The following GCLC variants were observed in gnomAD, a reference collection of about 807,000 sequenced individuals.
GCLC encodes the protein glutamate-cysteine ligase catalytic subunit, also known as glutamate--cysteine ligase catalytic subunit.
A neutral mutation model predicts 81.5 loss-of-function variants in GCLC; 30 were observed. The ratio of observed to expected loss-of-function variants is 0.37; its 90% confidence interval spans 0.28 to 0.50. The LOEUF is 0.50. Among genes scored for constraint, GCLC ranks in the 20% least tolerant of loss-of-function variants. The pLI, the probability that GCLC is intolerant of heterozygous loss-of-function variation, is 0.96. For missense variants in GCLC, 556 were observed against 777.4 expected, an observed-to-expected ratio of 0.72 and a Z score of 3.39; for synonymous variants, 262 against 273.3, an observed-to-expected ratio of 0.96 and a Z score of 0.41.
At chr6:53,517,179 T>A (rs1361304232) in intron 3 of GCLC, among the ~76,000 whole-genome samples, 1 of 144,546 alleles carries the variant, frequency 6.9e-6, no homozygotes, top group Non-Finnish European at 1.5e-5. Flanking sequence ...CTTGAACTCC[T>A]GGGCTCAAGT....
At chr6:53,501,170 C>T (rs545863794) in intron 12 of GCLC, 68 of 160,178 alleles carry the variant, frequency 4.2e-4, no homozygotes, top group Admixed American at 8.2e-4. Context: ...CTGCCCGCTT[C>T]AGACTCCCAA....
rs1349695132 is a variant in GCLC, at chr6:53,522,468, A to G, written c.210T>C (p.Ser70=). ...HENKKVRLVL[S]GEKVLETLQE... is the part of the protein sequence containing the mutation. Reference sequence around the variant, plus strand: ...GCAGAGTTTCAAGAACTTTCTCCCCAGACAGGACCAACCGGACTTTTTTAT... The same window carrying G: ...GCAGAGTTTCAAGAACTTTCTCCCCGGACAGGACCAACCGGACTTTTTTAT... The change falls in exon 2 of 16, where the codon TCT becomes TCC. Residue 70 remains serine, a synonymous_variant. Transcript: ENST00000650454. 1.2e-6 allele frequency: 2 copies of G among 1,613,132 alleles called. No individual in the cohort carries two copies. The highest frequency in any genetic ancestry group is 1.7e-6 in the Non-Finnish European group (2 of 1,179,210).
chr6:53,532,986 C>CTAAA (rs1317098239), intron 1 of GCLC, among the ~76,000 whole-genome samples: 2 of 152,192 alleles, frequency 1.3e-5, no homozygotes, highest in African/African-American at 2.4e-5. Flanking sequence ...ACATACCAAT[C>CTAAA]TAAATAACCA....
intron 11 of GCLC, 21 bp downstream of exon 11, chr6:53,505,782 T>A (rs758837614): frequency 1.4e-6 from 2 of 1,393,274 alleles, no homozygotes; most frequent in Non-Finnish European, 2.0e-6. Context: ...GAGTCAGTTC[T>A]TGCTGATGCA....
chr6:53,498,991 A>G (rs1181829499), intron 15 of GCLC, 24 bp from the exon 16 acceptor site: 4 of 1,507,304 alleles, frequency 2.7e-6, no homozygotes, highest in Non-Finnish European at 3.7e-6. Flanking sequence ...GGGAGCGAAA[A>G]AAAAATTAAA....
Position 53,507,500 on chromosome 6 carries a change from T to C in GCLC, c.1064A>G (p.Tyr355Cys), listed in dbSNP as rs1225003790. ...CCCACCTTCCTGCAACAGCTGTTCG[T>C]AGATCTCTTTATCTATCGTCAAGTC... ...DIDLTIDKEI[Y>C]EQLLQEGIDH... Residue 355 changes from tyrosine to cysteine, a missense_variant, in exon 9 of 16, where the codon TAC becomes TGC. Around this residue, in one of 3 missense-constraint regions of GCLC, gnomAD observed 313 missense variants for 437.3 expected, o/e 0.72. Transcript: ENST00000650454. 2 of 1,612,576 alleles carry C rather than the reference T, an allele frequency of 1.2e-6. No individual in the cohort carries two copies. Among genetic ancestry groups the C allele is most frequent in the East Asian group, 2.2e-5 (1 of 44,866 alleles).
intron 1 of GCLC, among the ~76,000 whole-genome samples, chr6:53,541,941 C>A (rs1330521204): frequency 6.6e-6 from 1 of 152,142 alleles, no homozygotes; most frequent in African/African-American, 2.4e-5. Context: ...AATCACGGCT[C>A]ACTGCAGCCT....
intron 1 of GCLC, among the ~76,000 whole-genome samples, chr6:53,525,589 T>C (rs1176552325): frequency 6.6e-6 from 1 of 152,202 alleles, no homozygotes; most frequent in Non-Finnish European, 1.5e-5. Flanking sequence ...AGGATAAAAC[T>C]GTATCAGCTT....
At chr6:53,534,262 T>G (rs1763221385) in intron 1 of GCLC, among the ~76,000 whole-genome samples, 1 of 152,196 alleles carries the variant, frequency 6.6e-6, no homozygotes, top group African/African-American at 2.4e-5. Context: ...TGATGAAAAC[T>G]ATGGCTTAAG....
intron 1 of GCLC, among the ~76,000 whole-genome samples, chr6:53,526,712 G>A (rs1372307808): frequency 1.3e-5 from 2 of 150,822 alleles, no homozygotes; most frequent in East Asian, 3.9e-4. Flanking sequence ...GCAGGAGAAT[G>A]GCGTGAACTC....
chr6:53,525,185 C>A (rs1335090962), intron 1 of GCLC, among the ~76,000 whole-genome samples: 1 of 152,218 alleles, frequency 6.6e-6, no homozygotes, highest in African/African-American at 2.4e-5. Flanking sequence ...TCCTTCTCTG[C>A]AGTCACCTTG....
At chr6:53,541,764 CAG>C (rs1299051359) in intron 1 of GCLC, among the ~76,000 whole-genome samples, 1 of 152,154 alleles carries the variant, frequency 6.6e-6, no homozygotes, top group Non-Finnish European at 1.5e-5. Context: ...TAATTTATGA[CAG>C]AGTATTTGGA....
intron 1 of GCLC, among the ~76,000 whole-genome samples, chr6:53,534,784 A>G (rs183891762): frequency 2.6e-5 from 4 of 152,350 alleles, no homozygotes; most frequent in Non-Finnish European, 5.9e-5. Flanking sequence ...CCTATACACG[A>G]AAAACTACAA....
At chr6:53,515,747 T>A (rs907321775) in intron 4 of GCLC, among the ~76,000 whole-genome samples, 1 of 151,108 alleles carries the variant, frequency 6.6e-6, no homozygotes, top group African/African-American at 2.4e-5. Flanking sequence ...CAGATACTGA[T>A]GGTTAGAGAG....
intron 3 of GCLC, among the ~76,000 whole-genome samples, chr6:53,516,643 T>C (rs1375014468): frequency 1.3e-5 from 2 of 152,190 alleles, no homozygotes; most frequent in Admixed American, 6.5e-5. Context: ...AGATTATCTT[T>C]GGACCTGCTG....
chr6:53,510,495 A>G (rs1035818338), intron 6 of GCLC: 2 of 151,996 alleles, frequency 1.3e-5, no homozygotes, highest in Admixed American at 1.3e-4. Context: ...AGAAGGGGCA[A>G]GGAACACAAA....
chr6:53,518,311 C>G (rs962258095), intron 3 of GCLC, among the ~76,000 whole-genome samples: 12 of 152,150 alleles, frequency 7.9e-5, no homozygotes, highest in Non-Finnish European at 1.3e-4. Context: ...AGCAGAGCGG[C>G]ACAATCTCAG....
chr6:53,522,330 C>T (rs1763013084), intron 2 of GCLC, 85 bp downstream of exon 2: 2 of 830,162 alleles, frequency 2.4e-6, no homozygotes, highest in South Asian at 2.7e-5. Context: ...GTTAGGCTAT[C>T]CTGCCTCCAA....
At chr6:53,502,686 A>G (rs1764535484) in intron 12 of GCLC, among the ~76,000 whole-genome samples, 1 of 152,176 alleles carries the variant, frequency 6.6e-6, no homozygotes, top group South Asian at 2.1e-4. Flanking sequence ...TCCTTGTTCT[A>G]CGTACATCTT....
Sources: gnomAD v4.1 joint callset for allele counts (sites outside exome capture counted in the v4.1 genomes callset) on GRCh38, gnomAD v4.1.1 for gene constraint, gnomAD v4.1.1 regional missense constraint, MANE v1.5 for transcripts, NCBI Gene and HGNC (gene_info 2026-07-23, HGNC 2026-07-21) for gene names.